Variants in STARD13 observed in about 807,000 individuals in gnomAD.
STARD13 encodes stAR-related lipid transfer protein 13.
STARD13 carries 62 observed loss-of-function variants against 106.4 expected under a neutral mutation model. That is an observed-to-expected ratio of 0.58 (90% CI 0.48 to 0.72). The LOEUF (loss-of-function observed/expected upper bound fraction) is 0.72, where lower values mean the gene tolerates loss of function less well. Among genes scored for constraint, STARD13 ranks in the 30% least tolerant of loss-of-function variants. The probability of loss-of-function intolerance (pLI) is 0.00; values close to 1 mark genes in which losing one functional copy is unlikely to be tolerated. For synonymous variants in STARD13, 565 were observed against 553.0 expected, an observed-to-expected ratio of 1.02 and a Z score of -0.31; for missense variants, 1,387 against 1,424.0, an observed-to-expected ratio of 0.97 and a Z score of 0.42.
chr13:33,391,775 T>C, the STARD13 span, among the ~76,000 whole-genome samples: 1 of 152,100 alleles, frequency 6.6e-6, no homozygotes, highest in Non-Finnish European at 1.5e-5. Context: ...TCTCGAGCAA[T>C]CTCTCAGTGG....
chr13:33,176,366 T>A (rs1043076061), intron 1 of STARD13, among the ~76,000 whole-genome samples: 7 of 152,198 alleles, frequency 4.6e-5, no homozygotes, highest in Non-Finnish European at 8.8e-5. Flanking sequence ...TCTACTTGTC[T>A]GCTGAACGTA....
At chr13:33,333,346 C>T (rs1458535796) in intron 1 of STARD13, among the ~76,000 whole-genome samples, 1 of 152,172 alleles carries the variant, frequency 6.6e-6, no homozygotes, top group East Asian at 1.9e-4. Flanking sequence ...CAAGATCATG[C>T]CACTGCACTC....
intron 7 of STARD13, among the ~76,000 whole-genome samples, chr13:33,123,818 A>T (rs1263953894): frequency 1.3e-5 from 2 of 152,214 alleles, no homozygotes; most frequent in Non-Finnish European, 2.9e-5. Flanking sequence ...AGTGTTTAGC[A>T]CGGGGAGAAG....
chr13:33,159,258 A>C (rs1292163924), intron 3 of STARD13, among the ~76,000 whole-genome samples: 1 of 152,170 alleles, frequency 6.6e-6, no homozygotes, highest in Non-Finnish European at 1.5e-5. Context: ...GGACGACACT[A>C]GTATTATTAT....
chr13:33,450,678 A>G, the STARD13 span, among the ~76,000 whole-genome samples: 1 of 152,202 alleles, frequency 6.6e-6, no homozygotes, highest in East Asian at 1.9e-4. Context: ...TAATGGTTGC[A>G]CAAGAGGCAG....
chr13:33,493,054 T>C, the STARD13 span, among the ~76,000 whole-genome samples: 1 of 152,194 alleles, frequency 6.6e-6, no homozygotes, highest in African/African-American at 2.4e-5. Flanking sequence ...TTCTGAAGTA[T>C]CCTCCTTCTG....
At chr13:33,439,757 A>G in the STARD13 span, 1 of 1,036,718 alleles carries the variant, frequency 9.6e-7, no homozygotes, top group Non-Finnish European at 1.3e-6. Context: ...TTAATATCTC[A>G]AAATTATACC....
At chr13:33,388,545 A>G in the STARD13 span, among the ~76,000 whole-genome samples, 1 of 152,192 alleles carries the variant, frequency 6.6e-6, no homozygotes, top group Non-Finnish European at 1.5e-5. Flanking sequence ...AGCTGAGTAC[A>G]TACCCACAAA....
chr13:33,114,324 G>A (rs941123806), intron 8 of STARD13, among the ~76,000 whole-genome samples: 4 of 152,056 alleles, frequency 2.6e-5, no homozygotes, highest in African/African-American at 9.7e-5. Flanking sequence ...TGCTGGATTC[G>A]CCTGCAGTCT....
chr13:33,482,155 T>C, the STARD13 span, among the ~76,000 whole-genome samples: 3 of 152,154 alleles, frequency 2.0e-5, no homozygotes, highest in Non-Finnish European at 2.9e-5. Flanking sequence ...ATTGACACAA[T>C]GACTGGAATT....
the STARD13 span, among the ~76,000 whole-genome samples, chr13:33,580,388 T>TA: frequency 6.6e-6 from 1 of 152,032 alleles, no homozygotes; most frequent in African/African-American, 2.4e-5. Flanking sequence ...GCCGTGGGCT[T>TA]AGTGGGGAGG....
At chr13:33,205,527 G>A (rs1887355522) in intron 1 of STARD13, among the ~76,000 whole-genome samples, 1 of 152,084 alleles carries the variant, frequency 6.6e-6, no homozygotes, top group Non-Finnish European at 1.5e-5. Flanking sequence ...AGGAAGGAAG[G>A]AAGGAAGGCC....
intron 1 of STARD13, among the ~76,000 whole-genome samples, chr13:33,199,208 C>A (rs74758528): frequency 0.1 from 15,458 of 152,244 alleles, 916 homozygotes; most frequent in East Asian, 0.31. Context: ...TAAATATGTG[C>A]CCCATAGCAC....
the STARD13 span, among the ~76,000 whole-genome samples, chr13:33,413,881 T>C: frequency 6.6e-6 from 1 of 151,194 alleles, no homozygotes; most frequent in Non-Finnish European, 1.5e-5. Flanking sequence ...AAAAATACAA[T>C]AATTAGCTGA....
At chr13:33,293,937 T>C (rs1892388230) in intron 1 of STARD13, among the ~76,000 whole-genome samples, 2 of 152,198 alleles carry the variant, frequency 1.3e-5, no homozygotes, top group African/African-American at 4.8e-5. Flanking sequence ...AAATTTCCCT[T>C]TATATCTATC....
At chr13:33,645,158 G>A in the STARD13 span, among the ~76,000 whole-genome samples, 3 of 152,092 alleles carry the variant, frequency 2.0e-5, no homozygotes, top group Non-Finnish European at 4.4e-5. Context: ...GATAAGATGT[G>A]GCAGAAGTGA....
At chr13:33,497,877 C>T in the STARD13 span, among the ~76,000 whole-genome samples, 1,270 of 152,188 alleles carry the variant, frequency 8.3e-3, 35 homozygotes, top group Non-Finnish European at 6.0e-3. Flanking sequence ...TAGTAAATAA[C>T]GTAATTACTT....
chr13:33,134,748 A>G (rs1161290299), intron 4 of STARD13, among the ~76,000 whole-genome samples: 1 of 152,252 alleles, frequency 6.6e-6, no homozygotes, highest in Admixed American at 6.5e-5. Flanking sequence ...AGAAGTGTGT[A>G]GAGCTTAACA....
At chr13:33,483,914 C>T in the STARD13 span, among the ~76,000 whole-genome samples, 33 of 152,186 alleles carry the variant, frequency 2.2e-4, no homozygotes, top group Non-Finnish European at 3.5e-4. Flanking sequence ...ATGATTTTCC[C>T]TAGAAAAACA....
Sources: gnomAD v4.1 joint callset for allele counts (sites outside exome capture counted in the v4.1 genomes callset) on GRCh38, gnomAD v4.1.1 for gene constraint, MANE v1.5 for transcripts, NCBI Gene and HGNC (gene_info 2026-07-23, HGNC 2026-07-21) for gene names.